The following RANBP3 variants were observed in gnomAD, a reference collection of about 807,000 sequenced individuals.
The protein encoded by RANBP3 is RAN binding protein 3.
A neutral mutation model predicts 77.3 loss-of-function variants in RANBP3; 14 were observed. The ratio of observed to expected loss-of-function variants is 0.18; its 90% CI spans 0.12 to 0.28. The LOEUF (loss-of-function observed/expected upper bound fraction) is 0.28. Ranked by LOEUF, RANBP3 falls within the 10% of genes least tolerant of loss-of-function variation. The pLI, the probability that RANBP3 is intolerant of heterozygous loss-of-function variation, is 1.00. For missense variants in RANBP3, 586 were observed against 752.3 expected (o/e 0.78, Z 2.59); for synonymous variants, 315 against 312.4 (o/e 1.01, Z -0.09).
chr19:5,941,570 GGGTTTGTAA>G, intron 5 of RANBP3, 42 bp downstream of exon 5: 1 of 1,479,016 alleles, frequency 6.8e-7, no homozygotes, highest in Non-Finnish European at 9.4e-7. Context: ...GGGGAATGGC[GGGTTTGTAA>G]GCATAAACGC....
At position 5,951,379 on chromosome 19, in the gene RANBP3, A is replaced by G; in HGVS notation, c.282+14T>C. 1 of 1,548,102 alleles carries G rather than the reference A, an allele frequency of 6.5e-7. No homozygotes were observed. The highest frequency in any genetic ancestry group is 1.2e-5 in the South Asian group (1 of 84,066). The stretch of plus-strand genomic sequence containing the variant: ...CCCCTGGGCGGTAGGAGTGCCGGGT[A>G]GGTGTGGACTTACCCCTGCCAGTTC... On this transcript the variant is annotated intron_variant, in intron 3 of 16. Coordinates refer to ENST00000340578, the MANE Select transcript of RANBP3 (RefSeq NM_007322.3).
At chr19:5,965,022 G>C (rs746391859) in intron 1 of RANBP3, among the ~76,000 whole-genome samples, 1 of 152,140 alleles carries the variant, frequency 6.6e-6, no homozygotes, top group Non-Finnish European at 1.5e-5. Context: ...AGATCTCTGC[G>C]ATGAAGGTGG....
intron 1 of RANBP3, among the ~76,000 whole-genome samples, chr19:5,960,507 A>T (rs1338497308): frequency 6.6e-6 from 1 of 152,204 alleles, no homozygotes; most frequent in Non-Finnish European, 1.5e-5. Context: ...ACTCCATAAG[A>T]TCCGAGACTG....
At chr19:5,930,328 G>A (rs2057972189) in intron 8 of RANBP3, among the ~76,000 whole-genome samples, 1 of 152,262 alleles carries the variant, frequency 6.6e-6, no homozygotes, top group Admixed American at 6.5e-5. Flanking sequence ...CTTTGAGCCA[G>A]AACATCTACT....
At chr19:5,974,451 T>A (rs1159606544) in intron 1 of RANBP3, 2 of 152,040 alleles carry the variant, frequency 1.3e-5, no homozygotes, top group Non-Finnish European at 2.9e-5. Flanking sequence ...GGATGAGTAA[T>A]GAGTCTGGGA....
At position 5,924,110 on chromosome 19, in the gene RANBP3, G is replaced by A. The variant is rs1014561650; in HGVS notation, c.997-196C>T. Among the ~76,000 whole-genome samples the A allele has an allele frequency of 2.0e-4, 30 of 152,152 alleles. No homozygotes were observed. The highest frequency in any genetic ancestry group is 5.8e-4 in the African/African-American group (24 of 41,422). On this transcript the variant is annotated intron_variant, in intron 11 of 16. Transcript: ENST00000340578. The surrounding 1 kb of genome is among the most constrained non-coding windows in gnomAD (Gnocchi z 4.7). ...CACTACGGGGTGAGTGCCACCAGCCGACAGTCCCCTCGAGCCACACTGGTC... is the reference window on the plus strand; with the variant it reads ...CACTACGGGGTGAGTGCCACCAGCCAACAGTCCCCTCGAGCCACACTGGTC...
At chr19:5,917,675 G>T in intron 16 of RANBP3, 22 bp from the exon 17 acceptor site, 1 of 1,603,894 alleles carries the variant, frequency 6.2e-7, no homozygotes, top group Non-Finnish European at 8.5e-7. Context: ...CAGCAGCCCC[G>T]CATCAGGATG....
chr19:5,975,275 A>C (rs1443034031), intron 1 of RANBP3, among the ~76,000 whole-genome samples: 2 of 152,196 alleles, frequency 1.3e-5, no homozygotes, highest in Non-Finnish European at 2.9e-5. Flanking sequence ...AACTAGCGTC[A>C]GGGACAACGT....
At chr19:5,936,382 G>C (rs2058064947) in intron 5 of RANBP3, among the ~76,000 whole-genome samples, 1 of 152,142 alleles carries the variant, frequency 6.6e-6, no homozygotes, top group Non-Finnish European at 1.5e-5. Context: ...GAGATCATGT[G>C]GACAAAGGTG....
rs1467500424 is a variant in RANBP3 at position 5,917,837 on chromosome 19, G to A, written c.1617C>T (p.Ser539=). 7.4e-6 allele frequency: 12 copies of A among 1,612,442 alleles called. No individual in the cohort carries two copies. Among genetic ancestry groups the A allele is most frequent in the Admixed American group, 1.7e-5 (1 of 59,950 alleles). The change falls in exon 16 of 17, where the codon AGC becomes AGT. Residue 539 remains serine, a synonymous_variant. Coordinates refer to ENST00000340578, the MANE Select transcript of RANBP3 (RefSeq NM_007322.3). ...GAAPSNEEDD[S]DDDDVLAPSG... ...AAGGAGCCAGGACATCGTCATCGTC[G>A]CTGTCGTCCTCCTCGTTGGATGGGG...
chr19:5,956,114 TAAA>T (rs1249578827), intron 2 of RANBP3, among the ~76,000 whole-genome samples: 1 of 151,850 alleles, frequency 6.6e-6, no homozygotes, highest in African/African-American at 2.4e-5. Context: ...CTCTCAAAGA[TAAA>T]AACATAAACA....
At chr19:5,974,015 G>A (rs374683800) in intron 1 of RANBP3, among the ~76,000 whole-genome samples, 25 of 152,278 alleles carry the variant, frequency 1.6e-4, no homozygotes, top group African/African-American at 3.4e-4. Flanking sequence ...ACCTGGGGGC[G>A]ATTCTGCAGC....
At chr19:5,919,763 T>C (rs1048369989) in intron 14 of RANBP3, among the ~76,000 whole-genome samples, 1 of 151,994 alleles carries the variant, frequency 6.6e-6, no homozygotes, top group African/African-American at 2.4e-5. Context: ...TAGCCAGGCT[T>C]GGTGGCGGGT....
At chr19:5,926,349 GA>G (rs1347631777) in intron 9 of RANBP3, among the ~76,000 whole-genome samples, 35 of 152,142 alleles carry the variant, frequency 2.3e-4, no homozygotes, top group African/African-American at 8.4e-4. Context: ...AGGAATTCGA[GA>G]CCAGCCTGGC....
chr19:5,923,259 G>A lies in RANBP3; in HGVS notation c.1144C>T (p.Arg382Trp), dbSNP rs753525599. Residue 382 changes from arginine (R) to tryptophan (W), a missense_variant, in exon 13 of 17, where the codon CGG (arginine) becomes TGG (tryptophan). This residue lies in a region of RANBP3 where 51 missense variants were observed against 123.2 expected (regional missense o/e 0.41). Transcript: ENST00000340578. ...SAAAYTKATA[R>W]KCLLEKVEVI... ...TCCACTTTTTCCAACAAACACTTCC[G>A]CGCTGTTGCCTTGGTGTAGGCGGCT... is the stretch of plus-strand genomic sequence containing the variant. 17 of 1,614,100 alleles carry A rather than the reference G, an allele frequency of 1.1e-5. No individual in the cohort carries two copies. Among genetic ancestry groups the A allele is most frequent in the African/African-American group, 2.7e-5 (2 of 74,920 alleles).
chr19:5,951,272 A>T, intron 3 of RANBP3, 121 bp downstream of exon 3: 1 of 931,802 alleles, frequency 1.1e-6, no homozygotes, highest in Non-Finnish European at 1.7e-6. Context: ...GTCATCTTTT[A>T]AGTTACCATT....
Position 5,921,184 on chromosome 19 carries a change from C to T in RANBP3, c.1330+17G>A, listed in dbSNP as rs752961090. Reference sequence around the variant, plus strand: ...CCCATGGGGACCCGGCCACAGCCCCCGCCGTCGGCAGCTCACCTAGTCGGG... The same window carrying T: ...CCCATGGGGACCCGGCCACAGCCCCTGCCGTCGGCAGCTCACCTAGTCGGG... On this transcript the variant is annotated intron_variant, in intron 14 of 16. Coordinates refer to ENST00000340578, the MANE Select transcript of RANBP3 (RefSeq NM_007322.3). The surrounding 1 kb of genome is among the most constrained non-coding windows in gnomAD (Gnocchi z 5.3). The T allele has an allele frequency of 2.0e-5, 32 of 1,604,538 alleles. No homozygotes were observed. Among genetic ancestry groups the T allele is most frequent in the Middle Eastern group, 1.7e-4 (1 of 6,034 alleles).
At position 5,941,735 on chromosome 19, in the gene RANBP3, G is replaced by A. The variant is rs375202306; in HGVS notation, c.320-28C>T. ...ACAGAAAATGATGAGAAGAGGAGGA[G>A]AAAAATCAGGTTGCTTCTGTCTTTA... On this transcript the variant is annotated intron_variant, in intron 4 of 16. Transcript: ENST00000340578. The A allele has an allele frequency of 8.7e-6, 14 of 1,612,394 alleles. No individual in the cohort carries two copies. The African/African-American group carries it at 1.1e-4, about 12-fold the overall frequency.
intron 5 of RANBP3, among the ~76,000 whole-genome samples, chr19:5,935,411 C>G (rs540556808): frequency 1.3e-5 from 2 of 152,226 alleles, no homozygotes; most frequent in Non-Finnish European, 2.9e-5. Flanking sequence ...GTTCCTTTTC[C>G]GAAGGAAACA....
Sources: gnomAD v4.1 joint callset for allele counts (sites outside exome capture counted in the v4.1 genomes callset) on GRCh38, gnomAD v4.1.1 for gene constraint, gnomAD v4.1.1 regional missense constraint, Gnocchi (gnomAD v3.1) non-coding constraint, MANE v1.5 for transcripts, NCBI Gene and HGNC (gene_info 2026-07-23, HGNC 2026-07-21) for gene names.